ARID4B: variants seen among roughly 807,000 people sequenced by gnomAD.
ARID4B encodes AT-rich interactive domain-containing protein 4B.
Under a neutral mutation model 147.5 loss-of-function variants are expected in ARID4B, and 26 were observed. The ratio of observed to expected loss-of-function variants is 0.18; its 90% CI spans 0.13 to 0.24. The LOEUF is 0.24. ARID4B is among the 10% of genes least tolerant of loss of function. ARID4B has a pLI of 1.00. For synonymous variants in ARID4B, 512 were observed against 507.9 expected (o/e 1.01, Z -0.11); for missense variants, 1,179 against 1,511.5 (o/e 0.78, Z 3.65).
chr1:235,198,198 T>C (rs1412085168), intron 17 of ARID4B, among the ~76,000 whole-genome samples: 1 of 152,248 alleles, frequency 6.6e-6, no homozygotes, highest in African/African-American at 2.4e-5. Flanking sequence ...CTACCTTTCT[T>C]AACCAAAGGC....
chr1:235,217,163 C>T (rs1331343842), intron 16 of ARID4B, among the ~76,000 whole-genome samples: 9 of 152,026 alleles, frequency 5.9e-5, no homozygotes, highest in Non-Finnish European at 1.2e-4. Context: ...TTTAATATCA[C>T]CCTCAGACAC....
At chr1:235,260,808 C>T in intron 2 of ARID4B, 56 bp from the exon 3 acceptor site, 1 of 1,248,534 alleles carries the variant, frequency 8.0e-7, no homozygotes. Flanking sequence ...TTCCCATAAT[C>T]AGACCTCAGA....
chr1:235,298,934 T>A (rs11580636), intron 2 of ARID4B, among the ~76,000 whole-genome samples: 3 of 112,332 alleles, frequency 2.7e-5, no homozygotes, highest in African/African-American at 4.1e-5. Flanking sequence ...CCCAGCACAG[T>A]GGCATTTCAT....
intron 22 of ARID4B, among the ~76,000 whole-genome samples, chr1:235,173,842 T>G (rs1316769540): frequency 1.5e-5 from 2 of 130,554 alleles, no homozygotes; most frequent in Non-Finnish European, 3.2e-5. Context: ...TATATATACC[T>G]TTTTTTAAAT....
At chr1:235,271,449 G>A (rs527487760) in intron 2 of ARID4B, among the ~76,000 whole-genome samples, 1 of 151,984 alleles carries the variant, frequency 6.6e-6, no homozygotes, top group South Asian at 2.1e-4. Context: ...GGCCAACATG[G>A]TGAAACCCAG....
At chr1:235,270,135 T>G (rs935596407) in intron 2 of ARID4B, among the ~76,000 whole-genome samples, 3 of 152,032 alleles carry the variant, frequency 2.0e-5, no homozygotes, top group African/African-American at 7.2e-5. Context: ...TACAAAAAAT[T>G]AGCCGGGCGT....
rs556183136 is a variant in ARID4B, at chr1:235,314,212, T to A, written c.6+12702A>T. ...GCAATTCAATCCCAAACAGTCTTGA[T>A]TAAAAGAATCCTCACTCTATCAGCT... On this transcript the variant is annotated intron_variant, in intron 2 of 23. Transcript: ENST00000264183. 2.0e-5 allele frequency among the ~76,000 whole-genome samples: 3 copies of A among 152,216 alleles called. No individual in the cohort carries two copies. In the East Asian group the frequency reaches 5.8e-4, roughly 29 times the overall value.
chr1:235,200,413 C>CA (rs1558194287), intron 17 of ARID4B, among the ~76,000 whole-genome samples: 1 of 152,052 alleles, frequency 6.6e-6, no homozygotes. Context: ...GAGCCGAGAT[C>CA]GCATGCCACG....
chr1:235,315,814 G>A (rs1016132737), intron 2 of ARID4B, among the ~76,000 whole-genome samples: 8 of 152,106 alleles, frequency 5.3e-5, no homozygotes, highest in Admixed American at 4.6e-4. Context: ...TAGATAACCC[G>A]ATTAGAGTAA....
chr1:235,284,342 A>T (rs1671844544), intron 2 of ARID4B, among the ~76,000 whole-genome samples: 1 of 152,236 alleles, frequency 6.6e-6, no homozygotes, highest in Non-Finnish European at 1.5e-5. Flanking sequence ...CCTCAGCGAC[A>T]GAGCGAGACT....
chr1:235,325,470 G>C (rs1402773309), intron 2 of ARID4B, among the ~76,000 whole-genome samples: 1 of 152,058 alleles, frequency 6.6e-6, no homozygotes, highest in Non-Finnish European at 1.5e-5. Context: ...CCTAAGAAGT[G>C]ACAAGCACTA....
At chr1:235,243,361 C>G (rs1337912357) in intron 7 of ARID4B, among the ~76,000 whole-genome samples, 6 of 151,876 alleles carry the variant, frequency 4.0e-5, no homozygotes, top group Non-Finnish European at 5.9e-5. Context: ...AATGAGCATC[C>G]AAAATATTTT....
At chr1:235,262,190 TC>T (rs1401954440) in intron 2 of ARID4B, among the ~76,000 whole-genome samples, 1 of 152,056 alleles carries the variant, frequency 6.6e-6, no homozygotes, top group Non-Finnish European at 1.5e-5. Flanking sequence ...AAATAAATTC[TC>T]CCCTAAAAGT....
At chr1:235,320,267 T>C (rs763950154) in intron 2 of ARID4B, among the ~76,000 whole-genome samples, 7 of 152,142 alleles carry the variant, frequency 4.6e-5, no homozygotes, top group Non-Finnish European at 1.0e-4. Flanking sequence ...ATCACATCAC[T>C]GCACTCCAGC....
At chr1:235,216,836 C>CT (rs1667125019) in intron 16 of ARID4B, among the ~76,000 whole-genome samples, 1 of 151,780 alleles carries the variant, frequency 6.6e-6, no homozygotes, top group Non-Finnish European at 1.5e-5. Context: ...TCATAAGACT[C>CT]TATCTTTGCA....
At chr1:235,297,191 G>C (rs1672804212) in intron 2 of ARID4B, among the ~76,000 whole-genome samples, 1 of 151,988 alleles carries the variant, frequency 6.6e-6, no homozygotes, top group Non-Finnish European at 1.5e-5. Context: ...ATCTGAAGGG[G>C]TTCCAACTGG....
intron 2 of ARID4B, among the ~76,000 whole-genome samples, chr1:235,317,394 A>G (rs995035200): frequency 6.6e-6 from 1 of 152,186 alleles, no homozygotes; most frequent in African/African-American, 2.4e-5. Flanking sequence ...GTAATATATG[A>G]GCAAGCGTTA....
intron 19 of ARID4B, among the ~76,000 whole-genome samples, chr1:235,186,583 A>G (rs1664701643): frequency 6.6e-6 from 1 of 151,934 alleles, no homozygotes; most frequent in African/African-American, 2.4e-5. Flanking sequence ...TTGTATTTTT[A>G]GCAGAGATGG....
chr1:235,313,391 G>A (rs1674212413), intron 2 of ARID4B, among the ~76,000 whole-genome samples: 1 of 151,412 alleles, frequency 6.6e-6, no homozygotes. Flanking sequence ...ACTTAACTTT[G>A]ACAGCAATAG....
Sources: allele counts gnomAD v4.1 joint callset (sites outside exome capture counted in the v4.1 genomes callset), GRCh38; gene constraint gnomAD v4.1.1; transcripts MANE v1.5; gene names NCBI Gene and HGNC (gene_info 2026-07-23, HGNC 2026-07-21).